Variants in TRDN observed in about 807,000 individuals in gnomAD.
TRDN encodes triadin, also known as triadin in skeletal muscle.
Under a neutral mutation model 149.7 loss-of-function variants are expected in TRDN, and 161 were observed. The observed-to-expected ratio is 1.08, with a 90% CI of 0.95 to 1.23. TRDN has a LOEUF of 1.23. TRDN is among the 50% of genes most tolerant of loss of function. The probability of loss-of-function intolerance (pLI) is 0.00; values close to 1 mark genes in which losing one functional copy is unlikely to be tolerated. For missense variants in TRDN, 896 were observed against 823.5 expected, an observed-to-expected ratio of 1.09 and a Z score of -1.08; for synonymous variants, 294 against 250.5, an observed-to-expected ratio of 1.17 and a Z score of -1.64.
At chr6:123,339,749 G>GAAAACACA (rs1161392902) in intron 21 of TRDN, among the ~76,000 whole-genome samples, 1 of 152,148 alleles carries the variant, frequency 6.6e-6, no homozygotes, top group East Asian at 1.9e-4. Flanking sequence ...TGTGACTGGT[G>GAAAACACA]AAAACACACC....
chr6:123,240,261 T>C (rs889830437), intron 38 of TRDN, among the ~76,000 whole-genome samples: 2 of 151,768 alleles, frequency 1.3e-5, no homozygotes, highest in Non-Finnish European at 3.0e-5. Flanking sequence ...AAGAACAAAA[T>C]AGACTGGAAT....
intron 23 of TRDN, among the ~76,000 whole-genome samples, chr6:123,325,158 GA>G (rs1172029949): frequency 6.6e-6 from 1 of 151,960 alleles, no homozygotes; most frequent in Non-Finnish European, 1.5e-5. Context: ...TTGAAAAAAA[GA>G]AAAATAAGAT....
intron 24 of TRDN, among the ~76,000 whole-genome samples, chr6:123,294,671 G>T (rs892870504): frequency 5.9e-4 from 78 of 133,212 alleles, no homozygotes; most frequent in African/African-American, 2.2e-3. Context: ...TCACTGGCTT[G>T]TCCATCGCTC....
chr6:123,472,413 C>G (rs1303679850), intron 9 of TRDN, among the ~76,000 whole-genome samples: 2 of 152,244 alleles, frequency 1.3e-5, no homozygotes, highest in Admixed American at 1.3e-4. Flanking sequence ...ATATCCCACA[C>G]CTGGCTCGGA....
At chr6:123,318,203 T>C (rs923813040) in intron 23 of TRDN, among the ~76,000 whole-genome samples, 1 of 151,974 alleles carries the variant, frequency 6.6e-6, no homozygotes, top group Non-Finnish European at 1.5e-5. Context: ...TTTTCTCTAA[T>C]AGTTCTTTCT....
At chr6:123,458,406 G>A (rs1354952184) in intron 10 of TRDN, among the ~76,000 whole-genome samples, 3 of 152,144 alleles carry the variant, frequency 2.0e-5, no homozygotes, top group Non-Finnish European at 4.4e-5. Flanking sequence ...TGTAATGTGG[G>A]ATGGGCCTTG....
rs149625578 is a variant in TRDN, at chr6:123,523,165, G to A, written c.485-6959C>T. On this transcript the variant is annotated intron_variant, in intron 5 of 40. Transcript: ENST00000334268. ...GACTTCTTAAAGGAACTGACACTCC[G>A]TATGAGAATCAAAGAAATAAGCAGG... Among the ~76,000 whole-genome samples, 48 of 152,242 alleles carry A rather than the reference G, an allele frequency of 3.2e-4. No individual in the cohort carries two copies. The East Asian group carries it at 5.6e-3, about 18-fold the overall frequency.
intron 35 of TRDN, among the ~76,000 whole-genome samples, chr6:123,259,088 G>A (rs1399255302): frequency 1.3e-5 from 2 of 152,006 alleles, no homozygotes; most frequent in African/African-American, 4.8e-5. Flanking sequence ...CAAAAAAACA[G>A]CTCTTGGATT....
chr6:123,499,719 A>AAAAAAAAATATATATATATATATATAT, intron 8 of TRDN, among the ~76,000 whole-genome samples: 3 of 47,670 alleles, frequency 6.3e-5, no homozygotes, highest in Non-Finnish European at 9.0e-5. Flanking sequence ...AAAAAAAAAA[A>AAAAAAAAATATATATATATATATATAT]ATATATATAT....
In TRDN at chr6:123,593,578, T is replaced by C. The variant is rs561689001; in HGVS notation, c.23-22446A>G. 2.6e-5 allele frequency among the ~76,000 whole-genome samples: 4 copies of C among 152,334 alleles called. No individual in the cohort carries two copies. The East Asian group carries it at 7.7e-4, about 29-fold the overall frequency. On this transcript the variant is annotated intron_variant, in intron 1 of 40. Coordinates refer to ENST00000334268, the MANE Select transcript of TRDN (RefSeq NM_006073.4). ...CTGTGAGGGAAGAATCTGTTTAAGCTTCTCTCTTTGGCTTGTAGATGGCTG... is the reference window on the plus strand; with the variant it reads ...CTGTGAGGGAAGAATCTGTTTAAGCCTCTCTCTTTGGCTTGTAGATGGCTG...
chr6:123,349,371 C>T (rs936014789), intron 21 of TRDN: 1 of 231,316 alleles, frequency 4.3e-6, no homozygotes, highest in African/African-American at 2.3e-5. Context: ...CATGCTATGC[C>T]CCTCACACCC....
At chr6:123,580,236 G>A (rs147388655) in intron 1 of TRDN, among the ~76,000 whole-genome samples, 2 of 151,906 alleles carry the variant, frequency 1.3e-5, no homozygotes, top group African/African-American at 4.8e-5. Context: ...CAATTTAGCA[G>A]GTCCTCACCA....
chr6:123,289,617 G>A (rs944768410), intron 24 of TRDN, among the ~76,000 whole-genome samples: 1 of 152,110 alleles, frequency 6.6e-6, no homozygotes, highest in Admixed American at 6.5e-5. Flanking sequence ...CCTTTCCATG[G>A]CAATGTCCTA....
At chr6:123,588,867 G>A (rs183328758) in intron 1 of TRDN, among the ~76,000 whole-genome samples, 99 of 152,132 alleles carry the variant, frequency 6.5e-4, no homozygotes, top group African/African-American at 2.3e-3. Context: ...TGATAAGCTT[G>A]GCTATTTTAA....
chr6:123,410,991 T>C (rs1189077449), intron 12 of TRDN, among the ~76,000 whole-genome samples: 2 of 150,852 alleles, frequency 1.3e-5, no homozygotes, highest in African/African-American at 4.9e-5. Context: ...AGCAGAAGAG[T>C]GCCTGGTGTG....
intron 9 of TRDN, among the ~76,000 whole-genome samples, chr6:123,472,181 C>T (rs1004040799): frequency 4.6e-5 from 7 of 152,272 alleles, no homozygotes; most frequent in Admixed American, 2.6e-4. Flanking sequence ...GGGTTCATCT[C>T]ACTAGGGAAT....
chr6:123,478,028 T>G (rs1562336637), intron 9 of TRDN, among the ~76,000 whole-genome samples: 1 of 150,354 alleles, frequency 6.7e-6, no homozygotes, highest in Non-Finnish European at 1.5e-5. Context: ...CTGCACAATG[T>G]GCACATGTAC....
At chr6:123,302,832 T>C (rs576054328) in intron 24 of TRDN, among the ~76,000 whole-genome samples, 24 of 152,280 alleles carry the variant, frequency 1.6e-4, no homozygotes, top group African/African-American at 5.5e-4. Context: ...CAGTTCTTGA[T>C]GGGCCCTAAG....
intron 12 of TRDN, among the ~76,000 whole-genome samples, chr6:123,414,764 A>T (rs1001286101): frequency 2.0e-5 from 3 of 152,112 alleles, no homozygotes; most frequent in Admixed American, 1.3e-4. Context: ...TCTGCTCACA[A>T]TTAGTAATAT....
Sources: gnomAD v4.1 joint callset for allele counts (sites outside exome capture counted in the v4.1 genomes callset) on GRCh38, gnomAD v4.1.1 for gene constraint, MANE v1.5 for transcripts, NCBI Gene and HGNC (gene_info 2026-07-23, HGNC 2026-07-21) for gene names.